TCF12: variants seen among roughly 807,000 people sequenced by gnomAD.
TCF12 encodes the protein DNA-binding protein HTF4.
A neutral mutation model predicts 86.0 loss-of-function variants in TCF12; 45 were observed. That is an observed-to-expected ratio of 0.52 (90% CI 0.41 to 0.67). TCF12 has a LOEUF of 0.67. TCF12 is among the 30% of genes least tolerant of loss of function. The probability of loss-of-function intolerance (pLI) is 0.00; values close to 1 mark genes in which losing one functional copy is unlikely to be tolerated. For synonymous variants in TCF12, 330 were observed against 299.6 expected, an observed-to-expected ratio of 1.10 and a Z score of -1.05; for missense variants, 881 against 859.9, an observed-to-expected ratio of 1.02 and a Z score of -0.31.
intron 8 of TCF12, among the ~76,000 whole-genome samples, chr15:57,220,232 A>G (rs1156790967): frequency 1.3e-5 from 2 of 152,230 alleles, no homozygotes; most frequent in Non-Finnish European, 2.9e-5. Context: ...ACAAATCCTT[A>G]CATAAAATAT....
intron 6 of TCF12, among the ~76,000 whole-genome samples, chr15:57,176,166 C>G (rs538136767): frequency 7.2e-5 from 11 of 152,240 alleles, no homozygotes; most frequent in South Asian, 6.2e-4. Context: ...TCATTGCACT[C>G]CAGCCTAGGT....
intron 8 of TCF12, among the ~76,000 whole-genome samples, chr15:57,226,381 TTA>T (rs1329888259): frequency 6.6e-6 from 1 of 152,126 alleles, no homozygotes; most frequent in African/African-American, 2.4e-5. Context: ...AATAATTTTG[TTA>T]TGTTTTGTTA....
rs397796528 is a variant in TCF12 at position 57,160,852 on chromosome 15, GT to G, written c.326-5539del. Among the ~76,000 whole-genome samples the G allele has an allele frequency of 5.6e-4, 83 of 147,272 alleles. 1 individual carries two copies. The highest frequency in any genetic ancestry group is 3.9e-3 in the South Asian group (18 of 4,594). On this transcript the variant is annotated intron_variant, in intron 5 of 20. Transcript: ENST00000333725. ...GGTATGCACCACCATGCCCAGCTAA[GT>G]TTTTTTTTTTATTTTTTATAAAGGT...
intron 8 of TCF12, among the ~76,000 whole-genome samples, chr15:57,204,112 C>T (rs1274362170): frequency 5.9e-5 from 9 of 152,168 alleles, no homozygotes; most frequent in African/African-American, 2.2e-4. Context: ...TTACAAAGTT[C>T]AGTGGCCCTT....
intron 3 of TCF12, among the ~76,000 whole-genome samples, chr15:56,921,902 T>G (rs540668848): frequency 1.3e-5 from 2 of 152,206 alleles, no homozygotes; most frequent in African/African-American, 4.8e-5. Flanking sequence ...AATTGTATAC[T>G]AATTTATTAA....
rs986453133 is a variant in TCF12 at position 57,130,880 on chromosome 15, A to G, written c.326-35522A>G. Among the ~76,000 whole-genome samples the G allele has an allele frequency of 2.6e-5, 4 of 152,328 alleles. No homozygotes were observed. In the South Asian group the frequency reaches 8.3e-4, roughly 32 times the overall value. On this transcript the variant is annotated intron_variant, in intron 5 of 20. Coordinates refer to ENST00000333725, the MANE Select transcript of TCF12 (RefSeq NM_207037.2). Reference sequence around the variant, plus strand: ...TTCATATCAGGAAATTAAAGTTTAGAAAGTTTAGGTAACTGGTCCAAAAGT... The same window carrying G: ...TTCATATCAGGAAATTAAAGTTTAGGAAGTTTAGGTAACTGGTCCAAAAGT...
At chr15:56,970,367 C>G (rs1309307729) in intron 3 of TCF12, among the ~76,000 whole-genome samples, 1 of 150,746 alleles carries the variant, frequency 6.6e-6, no homozygotes, top group Admixed American at 6.7e-5. Context: ...GTAGTCCCAG[C>G]TACTCGGGAG....
At chr15:57,248,590 A>G (rs2059968519) in intron 13 of TCF12, among the ~76,000 whole-genome samples, 1 of 152,206 alleles carries the variant, frequency 6.6e-6, no homozygotes, top group Non-Finnish European at 1.5e-5. Context: ...AGAAAGAGAA[A>G]TTCTCAGTTT....
intron 3 of TCF12, among the ~76,000 whole-genome samples, chr15:56,998,013 A>G (rs1389999582): frequency 6.6e-6 from 1 of 152,246 alleles, no homozygotes; most frequent in Admixed American, 6.5e-5. Context: ...CTAAATGTGT[A>G]AGTAGCTAAC....
chr15:57,127,630 G>A (rs1180884990), intron 5 of TCF12, among the ~76,000 whole-genome samples: 1 of 152,226 alleles, frequency 6.6e-6, no homozygotes, highest in Non-Finnish European at 1.5e-5. Context: ...GAGTGAATGA[G>A]TGTGAGTATA....
rs781364051 is a variant in TCF12, at chr15:57,273,213, T to C, written c.1929T>C (p.Ile643=). ...KSEKPQTKLL[I]LHQAVAVILS... Reference sequence around the variant, plus strand: ...AAAAACCCCAAACAAAACTCCTTATTCTTCATCAAGCCGTGGCAGTCATCC... The same window carrying C: ...AAAAACCCCAAACAAAACTCCTTATCCTTCATCAAGCCGTGGCAGTCATCC... Residue 643 remains isoleucine (I), a synonymous_variant, in exon 19 of 21, where the codon ATT becomes ATC. Coordinates refer to ENST00000333725, the MANE Select transcript of TCF12 (RefSeq NM_207037.2). The C allele has an allele frequency of 2.5e-5, 40 of 1,614,056 alleles. No individual in the cohort carries two copies. The East Asian group carries it at 8.2e-4, about 33-fold the overall frequency.
At chr15:57,239,487 G>A (rs1031273972) in intron 12 of TCF12, among the ~76,000 whole-genome samples, 2 of 142,894 alleles carry the variant, frequency 1.4e-5, no homozygotes, top group Admixed American at 7.5e-5. Flanking sequence ...CTGCACTTCA[G>A]CCTGGGCAAC....
intron 4 of TCF12, among the ~76,000 whole-genome samples, chr15:57,078,648 A>G (rs2070353274): frequency 6.6e-6 from 1 of 152,206 alleles, no homozygotes; most frequent in Admixed American, 6.5e-5. Flanking sequence ...TTCATTAATA[A>G]CTAGATTGAC....
intron 18 of TCF12, among the ~76,000 whole-genome samples, chr15:57,264,224 G>T (rs2060737085): frequency 1.2e-4 from 1 of 8,062 alleles, no homozygotes; most frequent in East Asian, 6.3e-3. Context: ...TTTTTGAGGT[G>T]GAGTCTTACT....
chr15:57,197,892 C>CTACAA, intron 8 of TCF12, 67 bp downstream of exon 8: 6 of 1,511,582 alleles, frequency 4.0e-6, no homozygotes, highest in African/African-American at 1.4e-5. Flanking sequence ...TATTACCTTG[C>CTACAA]TACAAGGGTA....
chr15:57,025,476 T>G (rs1412202395), intron 3 of TCF12, among the ~76,000 whole-genome samples: 3 of 152,126 alleles, frequency 2.0e-5, no homozygotes, highest in Non-Finnish European at 4.4e-5. Flanking sequence ...AATTTTCCCT[T>G]TGGAATTTTG....
intron 3 of TCF12, among the ~76,000 whole-genome samples, chr15:56,933,608 A>G (rs969419892): frequency 5.3e-5 from 8 of 152,202 alleles, no homozygotes; most frequent in Admixed American, 1.3e-4. Context: ...TATGTCTAAG[A>G]TGAGGACAAT....
At chr15:57,039,187 C>A (rs954265707) in intron 3 of TCF12, among the ~76,000 whole-genome samples, 1 of 152,144 alleles carries the variant, frequency 6.6e-6, no homozygotes, top group African/African-American at 2.4e-5. Context: ...AGGCTGTCTT[C>A]TGTTGTATAA....
intron 4 of TCF12, among the ~76,000 whole-genome samples, chr15:57,087,786 T>C (rs2048745334): frequency 6.6e-6 from 1 of 152,196 alleles, no homozygotes; most frequent in South Asian, 2.1e-4. Flanking sequence ...ACAGTGATTG[T>C]TTAGGTTGTA....
Sources: allele counts gnomAD v4.1 joint callset (sites outside exome capture counted in the v4.1 genomes callset), GRCh38; gene constraint gnomAD v4.1.1; transcripts MANE v1.5; gene names NCBI Gene and HGNC (gene_info 2026-07-23, HGNC 2026-07-21).